Variants in CLASP2 observed in about 807,000 individuals in gnomAD.
The protein encoded by CLASP2 is CLIP-associating protein 2.
A neutral mutation model predicts 194.4 loss-of-function variants in CLASP2; 47 were observed. The observed-to-expected ratio is 0.24, with a 90% CI of 0.19 to 0.31. The LOEUF is 0.31. CLASP2 is among the 10% of genes least tolerant of loss of function. The pLI is 1.00. For missense variants in CLASP2, 1,445 were observed against 1,823.6 expected, an observed-to-expected ratio of 0.79 and a Z score of 3.78; for synonymous variants, 619 against 633.5, an observed-to-expected ratio of 0.98 and a Z score of 0.34.
chr3:33,561,625 C>A (rs2061801632), intron 27 of CLASP2, among the ~76,000 whole-genome samples: 1 of 152,106 alleles, frequency 6.6e-6, no homozygotes, highest in Non-Finnish European at 1.5e-5. Context: ...TCTCCATACC[C>A]ATTTATGGGT....
At chr3:33,685,342 CAAAAAA>C (rs56240569) in intron 5 of CLASP2, among the ~76,000 whole-genome samples, 12 of 48,142 alleles carry the variant, frequency 2.5e-4, no homozygotes, top group African/African-American at 5.8e-4. Flanking sequence ...AACTCCGTCT[CAAAAAA>C]AAAAAAAAAA....
intron 21 of CLASP2, among the ~76,000 whole-genome samples, chr3:33,592,011 T>C (rs1008569395): frequency 2.0e-5 from 3 of 152,212 alleles, no homozygotes; most frequent in Non-Finnish European, 2.9e-5. Flanking sequence ...AGTTTCTGAG[T>C]AGAATGTGAA....
At chr3:33,683,366 G>C (rs1220149737) in intron 6 of CLASP2, 1 of 152,202 alleles carries the variant, frequency 6.6e-6, no homozygotes, top group Admixed American at 6.5e-5. Context: ...CATAATTCCA[G>C]GGAGACTGAG....
chr3:33,545,311 G>A (rs1034324758), intron 30 of CLASP2, among the ~76,000 whole-genome samples: 3 of 152,078 alleles, frequency 2.0e-5, no homozygotes, highest in Admixed American at 6.6e-5. Flanking sequence ...ATTCTTCTCC[G>A]CTTCTGAAGT....
At chr3:33,513,359 C>T (rs560877351) in intron 36 of CLASP2, among the ~76,000 whole-genome samples, 6 of 151,980 alleles carry the variant, frequency 3.9e-5, no homozygotes, top group Admixed American at 1.3e-4. Flanking sequence ...GCAAACACAG[C>T]GAAACCCCGT....
At chr3:33,667,433 TTTGA>T (rs1359347973) in intron 6 of CLASP2, among the ~76,000 whole-genome samples, 3 of 96,274 alleles carry the variant, frequency 3.1e-5, no homozygotes, top group African/African-American at 1.6e-4. Flanking sequence ...AAAAAAGACA[TTTGA>T]TTTGCAAGTA....
chr3:33,656,371 G>A (rs185730681), intron 7 of CLASP2, among the ~76,000 whole-genome samples: 4 of 152,280 alleles, frequency 2.6e-5, no homozygotes, highest in Admixed American at 2.0e-4. Context: ...CATCTACAGA[G>A]AAGGAAATAT....
At chr3:33,705,447 T>A (rs760425647) in intron 1 of CLASP2, among the ~76,000 whole-genome samples, 5 of 152,122 alleles carry the variant, frequency 3.3e-5, no homozygotes, top group Non-Finnish European at 5.9e-5. Context: ...TTGGAGGTGA[T>A]GAAAATGTTT....
At chr3:33,692,537 G>C (rs1012791112) in intron 2 of CLASP2, among the ~76,000 whole-genome samples, 4 of 152,120 alleles carry the variant, frequency 2.6e-5, no homozygotes, top group African/African-American at 9.7e-5. Flanking sequence ...AAGTCAAATA[G>C]AACAAGACTG....
intron 7 of CLASP2, among the ~76,000 whole-genome samples, chr3:33,649,958 GGCCTCA>G (rs1458788184): frequency 6.6e-5 from 10 of 152,032 alleles, no homozygotes; most frequent in African/African-American, 2.4e-4. Flanking sequence ...GAAGGTGTCT[GGCCTCA>G]AATTATTCCC....
At position 33,601,040 on chromosome 3, in the gene CLASP2, C is replaced by G. The variant is rs182414955; in HGVS notation, c.1924+1912G>C. On this transcript the variant is annotated intron_variant, in intron 18 of 38. Transcript: ENST00000682230. ...GTGGCAAGATCTCGGCTCACTGCAACCTCCGCCTCCCGGGTTCACGCCATT... is the reference window on the plus strand; with the variant it reads ...GTGGCAAGATCTCGGCTCACTGCAAGCTCCGCCTCCCGGGTTCACGCCATT... Among the ~76,000 whole-genome samples, 625 of 147,368 alleles carry G rather than the reference C, an allele frequency of 4.2e-3. 1 individual carries two copies. The highest frequency in any genetic ancestry group is 0.011 in the Middle Eastern group (3 of 276).
rs539122583 is a variant in CLASP2, at chr3:33,544,708, T to C, written c.3287A>G (p.Asn1096Ser). The C allele has an allele frequency of 6.2e-6, 10 of 1,610,784 alleles. No homozygotes were observed. Among genetic ancestry groups the C allele is most frequent in the African/African-American group, 1.3e-5 (1 of 74,886 alleles). Residue 1096 changes from asparagine to serine, a missense_variant, in exon 31 of 39, where the codon AAT (asparagine) becomes AGT (serine). Physicochemically the swap from Asn to Ser is conservative, Grantham distance 46 (BLOSUM62 1). Transcript: ENST00000682230. ...ATAAGTAACAATTACCTGGGTTCCATTGCCAGTGTTTCGAAGGTGATTATG... is the reference window on the plus strand; with the variant it reads ...ATAAGTAACAATTACCTGGGTTCCACTGCCAGTGTTTCGAAGGTGATTATG... ...LLHNHLRNTG[N>S]GTQSSMGSPL...
At chr3:33,591,464 T>C (rs1239797585) in intron 21 of CLASP2, among the ~76,000 whole-genome samples, 1 of 151,096 alleles carries the variant, frequency 6.6e-6, no homozygotes, top group Non-Finnish European at 1.5e-5. Flanking sequence ...AAACAAAAAA[T>C]TAGCCAGGCA....
intron 7 of CLASP2, among the ~76,000 whole-genome samples, chr3:33,648,910 C>T (rs751875069): frequency 2.6e-4 from 39 of 152,150 alleles, no homozygotes; most frequent in Non-Finnish European, 2.9e-4. Flanking sequence ...TACCTCATCC[C>T]CTAAAGTTTA....
At chr3:33,538,655 TACTC>T (rs1471181608) in intron 33 of CLASP2, 130 bp downstream of exon 33, 1 of 627,214 alleles carries the variant, frequency 1.6e-6, no homozygotes, top group Non-Finnish European at 2.5e-6. Flanking sequence ...ATGTGGTAGA[TACTC>T]AGTAAATACT....
Position 33,570,602 on chromosome 3 carries a change from A to T in CLASP2, c.2763+125T>A. The T allele has an allele frequency of 1.7e-6, 2 of 1,210,424 alleles. 1 individual carries two copies. Among genetic ancestry groups the T allele is most frequent in the South Asian group, 2.8e-5 (2 of 72,592 alleles). The allele number at this position is 1,210,424 out of a possible 1,614,324, so 75.0% of individuals were successfully genotyped here. On this transcript the variant is annotated intron_variant, in intron 26 of 38. Transcript: ENST00000682230. ...TTACGTATGATACCAAACAATTTTA[A>T]TTATGCTTGAAAATATTACTGCCAT...
chr3:33,513,747 G>A (rs1401743399), intron 36 of CLASP2, among the ~76,000 whole-genome samples: 1 of 152,140 alleles, frequency 6.6e-6, no homozygotes, highest in East Asian at 1.9e-4. Flanking sequence ...GACTAATGAT[G>A]TTGAACATCT....
chr3:33,651,369 C>T (rs576393968), intron 7 of CLASP2, among the ~76,000 whole-genome samples: 35 of 125,982 alleles, frequency 2.8e-4, no homozygotes, highest in African/African-American at 1.0e-3. Context: ...GGCAACAGAG[C>T]GAGATCCTGT....
intron 29 of CLASP2, among the ~76,000 whole-genome samples, chr3:33,553,492 CAT>C (rs1171470679): frequency 1.3e-5 from 2 of 152,242 alleles, no homozygotes; most frequent in African/African-American, 4.8e-5. Context: ...AAGAAACTCA[CAT>C]GACTCAATAG....
Sources: gnomAD v4.1 joint callset for allele counts (sites outside exome capture counted in the v4.1 genomes callset) on GRCh38, gnomAD v4.1.1 for gene constraint, MANE v1.5 for transcripts, NCBI Gene and HGNC (gene_info 2026-07-23, HGNC 2026-07-21) for gene names.